Variants in PARD3B observed in about 807,000 individuals in gnomAD.
The protein encoded by PARD3B is partitioning defective 3 homolog B.
PARD3B carries 103 observed loss-of-function variants against 130.2 expected under a neutral mutation model. The ratio of observed to expected loss-of-function variants is 0.79; its 90% CI spans 0.67 to 0.93. The LOEUF (loss-of-function observed/expected upper bound fraction) is 0.93, where lower values mean the gene tolerates loss of function less well. PARD3B is among the 40% of genes least tolerant of loss of function. The pLI, the probability that PARD3B is intolerant of heterozygous loss-of-function variation, is 0.00. For synonymous variants in PARD3B, 583 were observed against 553.2 expected (o/e 1.05, Z -0.76); for missense variants, 1,609 against 1,499.2 (o/e 1.07, Z -1.21).
At chr2:205,465,893 A>T (rs1415404224) in intron 20 of PARD3B, among the ~76,000 whole-genome samples, 1 of 152,208 alleles carries the variant, frequency 6.6e-6, no homozygotes, top group Non-Finnish European at 1.5e-5. Context: ...TCCAACCAGG[A>T]TCCCTAACAC....
rs868270488 is a variant in PARD3B at position 205,128,692 on chromosome 2, C to T, written c.1434+2955C>T. Among the ~76,000 whole-genome samples, 3 of 152,104 alleles carry T rather than the reference C, an allele frequency of 2.0e-5. No homozygotes were observed. Among genetic ancestry groups the T allele is most frequent in the Non-Finnish European group, 4.4e-5 (3 of 68,024 alleles). Reference sequence around the variant, plus strand: ...TTAGCTATAATTTTTTTTTCTAATACATGACCATTTCTGTAGTAGTGTAAA... The same window carrying T: ...TTAGCTATAATTTTTTTTTCTAATATATGACCATTTCTGTAGTAGTGTAAA... On this transcript the variant is annotated intron_variant, in intron 10 of 22. Transcript: ENST00000406610. The surrounding 1 kb of genome is among the most constrained non-coding windows in gnomAD (Gnocchi z 4.5).
chr2:204,610,928 A>G lies in PARD3B; in HGVS notation c.120+64809A>G, dbSNP rs1261012265. Among the ~76,000 whole-genome samples, 4 of 152,196 alleles carry G rather than the reference A, an allele frequency of 2.6e-5. No individual in the cohort carries two copies. The highest frequency in any genetic ancestry group is 2.1e-4 in the South Asian group (1 of 4,836). ...TTGAAGATTCCAAAGACATTTTACA[A>G]TGTACACTGAAAATGATTGTTCCCA... On this transcript the variant is annotated intron_variant, in intron 1 of 22. Transcript: ENST00000406610. This position sits in a 1 kb window ranked among gnomAD's most constrained non-coding sequence, Gnocchi z 4.1.
intron 2 of PARD3B, among the ~76,000 whole-genome samples, chr2:204,829,998 CAAAAAAAAAAAA>C (rs745415671): frequency 4.2e-5 from 2 of 47,708 alleles, no homozygotes; most frequent in East Asian, 1.4e-3. Context: ...GACTCCGTCT[CAAAAAAAAAAAA>C]AAAAAAAAAA....
intron 18 of PARD3B, among the ~76,000 whole-genome samples, chr2:205,396,912 T>C (rs1309471861): frequency 6.6e-6 from 1 of 152,184 alleles, no homozygotes; most frequent in African/African-American, 2.4e-5. Context: ...CCTCTTTCTA[T>C]ATCTCAGTAA....
chr2:205,073,610 C>G (rs1338277056), intron 4 of PARD3B, among the ~76,000 whole-genome samples: 2 of 152,122 alleles, frequency 1.3e-5, no homozygotes, highest in East Asian at 3.8e-4. Context: ...CAGACTCTTT[C>G]TGTTTTCTTT....
chr2:205,510,272 T>G (rs543653606), intron 21 of PARD3B, among the ~76,000 whole-genome samples: 4 of 152,342 alleles, frequency 2.6e-5, no homozygotes, highest in African/African-American at 9.6e-5. Context: ...AAACAAGAAT[T>G]TTTAAATGGT....
chr2:205,329,851 G>A (rs558682690), intron 18 of PARD3B, among the ~76,000 whole-genome samples: 3 of 151,726 alleles, frequency 2.0e-5, no homozygotes, highest in Non-Finnish European at 2.9e-5. Flanking sequence ...AAAATTAGCC[G>A]GGCGTGTTGG....
At chr2:204,917,185 A>T (rs969925612) in intron 2 of PARD3B, among the ~76,000 whole-genome samples, 1 of 152,088 alleles carries the variant, frequency 6.6e-6, no homozygotes, top group Admixed American at 6.6e-5. Flanking sequence ...GCTAATGAGG[A>T]GTTGGTGGGT....
At chr2:205,355,988 G>A (rs2044178008) in intron 18 of PARD3B, among the ~76,000 whole-genome samples, 1 of 152,238 alleles carries the variant, frequency 6.6e-6, no homozygotes, top group Non-Finnish European at 1.5e-5. Context: ...TTGATTCATG[G>A]GGATTACGGG....
At chr2:204,648,110 A>C (rs2035336421) in intron 1 of PARD3B, among the ~76,000 whole-genome samples, 2 of 151,846 alleles carry the variant, frequency 1.3e-5, no homozygotes, top group South Asian at 4.2e-4. Flanking sequence ...GAGGTTATGC[A>C]AGTATTTAGA....
rs950121917 is a variant in PARD3B at position 204,545,927 on chromosome 2, C to T, written c.-73C>T. On this transcript the variant is annotated 5_prime_UTR_variant, in exon 1 of 23. Transcript: ENST00000406610. ...TGGGCCCACCCGCCCCGGGCGTCCT[C>T]CGAGAGTGGGGGCTGCGCCCGCGGG... 16 of 1,438,494 alleles carry T rather than the reference C, an allele frequency of 1.1e-5. No homozygotes were observed. In the African/African-American group the frequency reaches 2.2e-4, roughly 20 times the overall value. The allele number at this position is 1,438,494 out of a possible 1,614,324, so 89.1% of individuals were successfully genotyped here. A position where few individuals can be genotyped will look rare whatever the true frequency, so the allele number is the denominator to read the frequency against.
chr2:205,254,831 A>AT (rs1315154324), intron 16 of PARD3B, among the ~76,000 whole-genome samples: 5 of 150,808 alleles, frequency 3.3e-5, no homozygotes, highest in Non-Finnish European at 5.9e-5. Context: ...CGCCCGGCTA[A>AT]TTTTTTGTAT....
chr2:205,242,027 A>G (rs191562259), intron 15 of PARD3B, among the ~76,000 whole-genome samples: 15 of 152,296 alleles, frequency 9.8e-5, no homozygotes, highest in African/African-American at 3.1e-4. Flanking sequence ...CCCAGCACTA[A>G]GCATGTGTAT....
At chr2:204,565,930 A>G (rs962997487) in intron 1 of PARD3B, among the ~76,000 whole-genome samples, 2 of 152,212 alleles carry the variant, frequency 1.3e-5, no homozygotes, top group Non-Finnish European at 2.9e-5. Flanking sequence ...AATGTCAAAA[A>G]CATGTGAAAT....
intron 2 of PARD3B, among the ~76,000 whole-genome samples, chr2:204,737,542 C>G (rs2039811647): frequency 6.6e-6 from 1 of 152,148 alleles, no homozygotes; most frequent in Non-Finnish European, 1.5e-5. Context: ...TCTGTTTACT[C>G]TGCTTATTGT....
intron 1 of PARD3B, among the ~76,000 whole-genome samples, chr2:204,661,908 C>T (rs2035824120): frequency 6.6e-6 from 1 of 152,034 alleles, no homozygotes; most frequent in Non-Finnish European, 1.5e-5. Flanking sequence ...GAAACTGGGC[C>T]TCATACAAAT....
intron 4 of PARD3B, among the ~76,000 whole-genome samples, chr2:205,100,363 G>C (rs1333060253): frequency 6.6e-6 from 1 of 151,920 alleles, no homozygotes; most frequent in African/African-American, 2.4e-5. Context: ...ACTGTTAACT[G>C]TTCATGGATT....
chr2:205,033,799 A>T (rs931259869), intron 3 of PARD3B, among the ~76,000 whole-genome samples: 1 of 152,180 alleles, frequency 6.6e-6, no homozygotes, highest in Non-Finnish European at 1.5e-5. Context: ...GATTAACCTC[A>T]TAAATATCTA....
chr2:205,178,661 C>T (rs1576086903), intron 13 of PARD3B, among the ~76,000 whole-genome samples: 1 of 152,144 alleles, frequency 6.6e-6, no homozygotes, highest in Non-Finnish European at 1.5e-5. Flanking sequence ...TCTCTAGCAA[C>T]GTGTGGCCCA....
Sources: allele counts gnomAD v4.1 joint callset (sites outside exome capture counted in the v4.1 genomes callset), GRCh38; gene constraint gnomAD v4.1.1; non-coding constraint Gnocchi (gnomAD v3.1); transcripts MANE v1.5; gene names NCBI Gene and HGNC (gene_info 2026-07-23, HGNC 2026-07-21).